PARD3B: variants seen among roughly 807,000 people sequenced by gnomAD.
PARD3B encodes the protein partitioning defective 3 homolog B.
PARD3B carries 103 observed loss-of-function variants against 130.2 expected under a neutral mutation model. The observed-to-expected ratio is 0.79, with a 90% confidence interval of 0.67 to 0.93. The LOEUF (loss-of-function observed/expected upper bound fraction) is 0.93, where lower values mean the gene tolerates loss of function less well. Among genes scored for constraint, PARD3B ranks in the 40% least tolerant of loss-of-function variants. The pLI is 0.00. For synonymous variants in PARD3B, 583 were observed against 553.2 expected (o/e 1.05, Z -0.76); for missense variants, 1,609 against 1,499.2 (o/e 1.07, Z -1.21).
intron 2 of PARD3B, among the ~76,000 whole-genome samples, chr2:204,850,677 CCTA>C (rs1193808425): frequency 1.3e-5 from 2 of 152,094 alleles, no homozygotes; most frequent in African/African-American, 4.8e-5. Context: ...GCCCCTGACT[CCTA>C]CTGGATGGCA....
chr2:205,336,793 T>C (rs2043328778), intron 18 of PARD3B, among the ~76,000 whole-genome samples: 1 of 152,160 alleles, frequency 6.6e-6, no homozygotes, highest in Non-Finnish European at 1.5e-5. Flanking sequence ...CCTAAATGCC[T>C]TAGCTGGGTG....
intron 2 of PARD3B, among the ~76,000 whole-genome samples, chr2:204,809,491 TAG>T (rs2042889463): frequency 6.6e-6 from 1 of 152,062 alleles, no homozygotes; most frequent in African/African-American, 2.4e-5. Flanking sequence ...ATCTTCTGCA[TAG>T]AGTTAGCCAG....
intron 19 of PARD3B, among the ~76,000 whole-genome samples, chr2:205,414,905 A>G (rs971082054): frequency 6.6e-6 from 1 of 152,120 alleles, no homozygotes; most frequent in African/African-American, 2.4e-5. Flanking sequence ...TTTTAGCTGA[A>G]TGAGCATCAA....
At position 205,452,623 on chromosome 2, in the gene PARD3B, G is replaced by T. The variant is rs186303215; in HGVS notation, c.3044+11951G>T. 2.6e-3 allele frequency among the ~76,000 whole-genome samples: 400 copies of T among 152,266 alleles called. 3 individuals carry two copies. The highest frequency in any genetic ancestry group is 9.1e-3 in the African/African-American group (376 of 41,536). On this transcript the variant is annotated intron_variant, in intron 20 of 22. Coordinates refer to ENST00000406610, the MANE Select transcript of PARD3B (RefSeq NM_001302769.2). ...CTCTGTGACCAGATAAATGCTAATA[G>T]TAACTGATATACCATTAACTCTACT...
intron 2 of PARD3B, among the ~76,000 whole-genome samples, chr2:204,801,778 T>C (rs1301853174): frequency 6.6e-6 from 1 of 152,184 alleles, no homozygotes; most frequent in African/African-American, 2.4e-5. Context: ...ATCCTTGTCT[T>C]GTGCTGGTTT....
intron 2 of PARD3B, among the ~76,000 whole-genome samples, chr2:204,793,228 T>G (rs1213159182): frequency 1.3e-5 from 2 of 152,210 alleles, no homozygotes; most frequent in Middle Eastern, 3.2e-3. Context: ...TCCAGAATAT[T>G]TCATTTATAT....
chr2:204,756,470 G>A (rs377459086), intron 2 of PARD3B, among the ~76,000 whole-genome samples: 4 of 151,834 alleles, frequency 2.6e-5, no homozygotes, highest in Non-Finnish European at 2.9e-5. Flanking sequence ...TAAATAAATC[G>A]AATAGCTTAT....
intron 21 of PARD3B, among the ~76,000 whole-genome samples, chr2:205,500,267 T>C (rs532465177): frequency 2.6e-5 from 4 of 152,304 alleles, no homozygotes; most frequent in African/African-American, 9.6e-5. Flanking sequence ...TCCTGTTATA[T>C]GCCAACTGGT....
At chr2:204,766,230 A>C (rs1454859716) in intron 2 of PARD3B, among the ~76,000 whole-genome samples, 3 of 152,200 alleles carry the variant, frequency 2.0e-5, no homozygotes, top group African/African-American at 7.2e-5. Context: ...ACTTTCTTCC[A>C]AATCTCACTG....
At position 205,572,513 on chromosome 2, in the gene PARD3B, G is replaced by A. The variant is rs1306748961; in HGVS notation, c.3260+19110G>A. Among the ~76,000 whole-genome samples, 1 of 152,200 alleles carries A rather than the reference G, an allele frequency of 6.6e-6. No individual in the cohort carries two copies. The highest frequency in any genetic ancestry group is 1.5e-5 in the Non-Finnish European group (1 of 68,038). ...TAATCCCAGCACTTTGGGAGGCCAA[G>A]GCAGGCGGATTGCCTGAGCTCAGGA... is the stretch of plus-strand genomic sequence containing the variant. On this transcript the variant is annotated intron_variant, in intron 22 of 22. Transcript: ENST00000406610. This position sits in a 1 kb window ranked among gnomAD's most constrained non-coding sequence, Gnocchi z 4.2.
chr2:205,412,912 C>G (rs1312934024), intron 19 of PARD3B, among the ~76,000 whole-genome samples: 1 of 152,074 alleles, frequency 6.6e-6, no homozygotes, highest in African/African-American at 2.4e-5. Flanking sequence ...GTTTCTTTAC[C>G]TACAAAATGG....
intron 2 of PARD3B, among the ~76,000 whole-genome samples, chr2:204,860,406 G>A (rs537616717): frequency 5.2e-4 from 79 of 152,310 alleles, no homozygotes; most frequent in African/African-American, 1.8e-3. Flanking sequence ...TGGCCTGGAC[G>A]CTGAAGCAGA....
At chr2:205,412,746 G>A (rs1361904215) in intron 19 of PARD3B, among the ~76,000 whole-genome samples, 1 of 152,100 alleles carries the variant, frequency 6.6e-6, no homozygotes, top group African/African-American at 2.4e-5. Flanking sequence ...TACCATTTCT[G>A]CTGTCTGGAA....
intron 2 of PARD3B, among the ~76,000 whole-genome samples, chr2:204,873,973 T>A (rs2125653432): frequency 6.6e-6 from 1 of 152,128 alleles, no homozygotes; most frequent in South Asian, 2.1e-4. Flanking sequence ...TGAAACCCCA[T>A]CTCTACTAAA....
chr2:205,142,658 T>TC lies in PARD3B; in HGVS notation c.1435-16063dup, dbSNP rs2033055298. Among the ~76,000 whole-genome samples the TC allele has an allele frequency of 6.6e-6, 1 of 151,990 alleles. No homozygotes were observed. Among genetic ancestry groups the TC allele is most frequent in the Non-Finnish European group, 1.5e-5 (1 of 68,008 alleles). ...ACTTTGGGAGGCCGAGGTGGGCGGA[T>TC]CAAGAGGTCAGGAGTTTGAGACCAA... On this transcript the variant is annotated intron_variant, in intron 10 of 22. Coordinates refer to ENST00000406610, the MANE Select transcript of PARD3B (RefSeq NM_001302769.2). This position sits in a 1 kb window ranked among gnomAD's most constrained non-coding sequence, Gnocchi z 4.3.
chr2:205,217,123 C>A (rs1396047492), intron 15 of PARD3B, among the ~76,000 whole-genome samples: 3 of 152,190 alleles, frequency 2.0e-5, no homozygotes, highest in African/African-American at 7.2e-5. Flanking sequence ...CAAACTTCTA[C>A]TCTTATTCAT....
chr2:204,645,590 C>T (rs1007873661), intron 1 of PARD3B, among the ~76,000 whole-genome samples: 2 of 152,068 alleles, frequency 1.3e-5, no homozygotes, highest in Non-Finnish European at 2.9e-5. Context: ...TGTTCATCAG[C>T]CTGTCAGTTA....
At chr2:204,657,010 T>C (rs1360438816) in intron 1 of PARD3B, among the ~76,000 whole-genome samples, 2 of 152,178 alleles carry the variant, frequency 1.3e-5, no homozygotes, top group African/African-American at 4.8e-5. Context: ...CTTGGTCTTA[T>C]TTGTAATTTT....
intron 15 of PARD3B, among the ~76,000 whole-genome samples, chr2:205,240,716 C>T (rs560988570): frequency 8.5e-5 from 13 of 152,268 alleles, no homozygotes; most frequent in African/African-American, 3.1e-4. Flanking sequence ...TGCCACTGTT[C>T]TGCAAATTTT....
Sources: gnomAD v4.1 joint callset for allele counts (sites outside exome capture counted in the v4.1 genomes callset) on GRCh38, gnomAD v4.1.1 for gene constraint, Gnocchi (gnomAD v3.1) non-coding constraint, MANE v1.5 for transcripts, NCBI Gene and HGNC (gene_info 2026-07-23, HGNC 2026-07-21) for gene names.